The following FYCO1 variants were observed in gnomAD, a reference collection of about 807,000 sequenced individuals.
The protein encoded by FYCO1 is FYVE and coiled-coil domain autophagy adaptor 1, also known as FYVE and coiled-coil domain-containing protein 1.
Under a neutral mutation model 165.1 loss-of-function variants are expected in FYCO1, and 122 were observed. The observed-to-expected ratio is 0.74, with a 90% CI of 0.64 to 0.86. The LOEUF (loss-of-function observed/expected upper bound fraction) is 0.86, where lower values mean the gene tolerates loss of function less well. Ranked by LOEUF, FYCO1 falls within the 40% of genes least tolerant of loss-of-function variation. The pLI is 0.00. For synonymous variants in FYCO1, 648 were observed against 742.5 expected, an observed-to-expected ratio of 0.87 and a Z score of 2.07; for missense variants, 1,702 against 1,810.3, an observed-to-expected ratio of 0.94 and a Z score of 1.09.
chr3:45,933,369 A>G (rs1308694498), intron 15 of FYCO1, among the ~76,000 whole-genome samples: 2 of 152,220 alleles, frequency 1.3e-5, no homozygotes, highest in East Asian at 3.8e-4. Context: ...GCAGAAAAAA[A>G]TAACTTTCAA....
At chr3:45,988,907 C>CTGTT (rs1707442299) in intron 1 of FYCO1, among the ~76,000 whole-genome samples, 1 of 152,162 alleles carries the variant, frequency 6.6e-6, no homozygotes, top group East Asian at 1.9e-4. Flanking sequence ...CCCAGATGCC[C>CTGTT]TAAATGCCTT....
intron 11 of FYCO1, among the ~76,000 whole-genome samples, chr3:45,961,122 C>T (rs1705676074): frequency 6.6e-6 from 1 of 152,130 alleles, no homozygotes; most frequent in African/African-American, 2.4e-5. Flanking sequence ...ATGTAAGAGA[C>T]ACAGCAATTG....
chr3:45,979,672 G>A (rs776928412), intron 4 of FYCO1, 33 bp downstream of exon 4: 15 of 1,612,336 alleles, frequency 9.3e-6, no homozygotes, highest in Admixed American at 3.3e-5. Context: ...GCAAAAGGAC[G>A]ACATGAAGTT....
At chr3:45,931,420 AT>A in intron 15 of FYCO1, 139 bp from the exon 16 acceptor site, 1 of 747,018 alleles carries the variant, frequency 1.3e-6, no homozygotes, top group Non-Finnish European at 2.3e-6. Context: ...CTTGGCCAAC[AT>A]GCTTAATTAT....
intron 4 of FYCO1, among the ~76,000 whole-genome samples, chr3:45,978,899 C>G (rs1209240539): frequency 1.3e-5 from 2 of 151,238 alleles, no homozygotes; most frequent in African/African-American, 4.9e-5. Context: ...CTCTGTCGCC[C>G]AGGCTGGAGT....
At chr3:45,979,190 A>G (rs183196716) in intron 4 of FYCO1, among the ~76,000 whole-genome samples, 1 of 152,320 alleles carries the variant, frequency 6.6e-6, no homozygotes, top group African/African-American at 2.4e-5. Flanking sequence ...CAGCAAAGCC[A>G]TGGCATTTTG....
intron 5 of FYCO1, 150 bp from the exon 6 acceptor site, chr3:45,973,381 A>G: frequency 1.3e-6 from 1 of 754,134 alleles, no homozygotes; most frequent in Non-Finnish European, 2.3e-6. Flanking sequence ...TTCATGGTAG[A>G]AGAACATAAC....
In FYCO1 at chr3:45,920,783, A is replaced by G. The variant is rs1367133011; in HGVS notation, c.*982T>C. ...AAAGACTTTTGTTAAGAAGGCCCCAATGTTTGAAAGTGGTTCTAATCCTGG... is the reference window on the plus strand; with the variant it reads ...AAAGACTTTTGTTAAGAAGGCCCCAGTGTTTGAAAGTGGTTCTAATCCTGG... On this transcript the variant is annotated 3_prime_UTR_variant, in exon 18 of 18. Coordinates refer to ENST00000296137, the MANE Select transcript of FYCO1 (RefSeq NM_024513.4). The G allele has an allele frequency of 1.3e-5, 2 of 152,608 alleles. No homozygotes were observed. The highest frequency in any genetic ancestry group is 2.4e-5 in the African/African-American group (1 of 41,440). 9.5% of individuals were successfully genotyped at this position (152,608 alleles called of 1,614,324 possible).
In FYCO1 at chr3:45,923,739, G is replaced by T; in HGVS notation, c.4278C>A (p.Asn1426Lys). Residue 1426 changes from asparagine to lysine, a missense_variant, in exon 17 of 18, where the codon AAC becomes AAA. Transcript: ENST00000296137. Reference sequence around the variant, plus strand: ...GGCCCTGGATGTTCTCCTTGTGGGAGTTGCATCGGGTCGTGGGAATGAGGA... The same window carrying T: ...GGCCCTGGATGTTCTCCTTGTGGGATTTGCATCGGGTCGTGGGAATGAGGA... ...CKVLIPTTRC[N>K]SHKENIQGQL... 1 of 1,614,120 alleles carries T rather than the reference G, an allele frequency of 6.2e-7. No homozygotes were observed. Among genetic ancestry groups the T allele is most frequent in the East Asian group, 2.2e-5 (1 of 44,872 alleles).
chr3:45,981,082 G>T (rs1425787761), intron 3 of FYCO1, among the ~76,000 whole-genome samples: 1 of 152,218 alleles, frequency 6.6e-6, no homozygotes, highest in Non-Finnish European at 1.5e-5. Context: ...AGAGGATGCT[G>T]ATGCTGCTGG....
At chr3:45,991,517 G>A (rs1329260161) in intron 1 of FYCO1, among the ~76,000 whole-genome samples, 1 of 152,136 alleles carries the variant, frequency 6.6e-6, no homozygotes, top group Non-Finnish European at 1.5e-5. Context: ...TTCTGTGGCT[G>A]GGCCCTGCCT....
At chr3:45,957,082 A>G (rs1705374570) in intron 13 of FYCO1, among the ~76,000 whole-genome samples, 1 of 152,252 alleles carries the variant, frequency 6.6e-6, no homozygotes, top group Admixed American at 6.5e-5. Flanking sequence ...ATAAATCCAC[A>G]CATATAAGGT....
At chr3:45,928,116 C>T (rs1559439545) in intron 16 of FYCO1, among the ~76,000 whole-genome samples, 2 of 152,232 alleles carry the variant, frequency 1.3e-5, no homozygotes, top group East Asian at 3.9e-4. Context: ...TGCTAATGGG[C>T]ACAGAATTTC....
intron 4 of FYCO1, 24 bp downstream of exon 4, chr3:45,979,681 T>C (rs1706948274): frequency 6.2e-7 from 1 of 1,613,304 alleles, no homozygotes; most frequent in Middle Eastern, 1.7e-4. Context: ...CGACATGAAG[T>C]TGTTGGCTGC....
intron 14 of FYCO1, chr3:45,946,142 T>A: frequency 3.9e-6 from 1 of 257,320 alleles, no homozygotes. Context: ...TGTGCCCACC[T>A]GGCAGCAAAG....
chr3:45,970,238 A>G (rs1387529521), intron 6 of FYCO1, among the ~76,000 whole-genome samples: 1 of 152,240 alleles, frequency 6.6e-6, no homozygotes, highest in African/African-American at 2.4e-5. Flanking sequence ...TCCCTCATGC[A>G]GAAAGTTCCA....
At chr3:45,986,279 G>A (rs1286214488) in intron 1 of FYCO1, among the ~76,000 whole-genome samples, 3 of 152,116 alleles carry the variant, frequency 2.0e-5, no homozygotes, top group Non-Finnish European at 4.4e-5. Context: ...CCGGCTCGAG[G>A]TACTACCATG....
chr3:45,994,137 C>G (rs1232434306), intron 1 of FYCO1, among the ~76,000 whole-genome samples: 2 of 152,174 alleles, frequency 1.3e-5, no homozygotes, highest in South Asian at 2.1e-4. Context: ...TGCTCCAAAC[C>G]CAGCCCCAAG....
intron 2 of FYCO1, among the ~76,000 whole-genome samples, chr3:45,983,734 G>A (rs1434352035): frequency 1.3e-5 from 2 of 152,174 alleles, no homozygotes; most frequent in African/African-American, 2.4e-5. Context: ...GCCTCTCTGT[G>A]TAGATTTAAA....
Sources: gnomAD v4.1 joint callset for allele counts (sites outside exome capture counted in the v4.1 genomes callset) on GRCh38, gnomAD v4.1.1 for gene constraint, MANE v1.5 for transcripts, NCBI Gene and HGNC (gene_info 2026-07-23, HGNC 2026-07-21) for gene names.